The following CCN4 variants were observed in gnomAD, a reference collection of about 807,000 sequenced individuals.
CCN4 encodes cellular communication network factor 4.
A neutral mutation model predicts 36.7 loss-of-function variants in CCN4; 30 were observed. The ratio of observed to expected loss-of-function variants is 0.82; its 90% CI spans 0.61 to 1.11. The LOEUF (loss-of-function observed/expected upper bound fraction) is 1.11. Ranked by LOEUF, CCN4 falls within the 50% of genes least tolerant of loss-of-function variation. The probability of loss-of-function intolerance (pLI) is 0.00; values close to 1 mark genes in which losing one functional copy is unlikely to be tolerated. For synonymous variants in CCN4, 191 were observed against 195.4 expected, an observed-to-expected ratio of 0.98 and a Z score of 0.19; for missense variants, 505 against 504.9, an observed-to-expected ratio of 1.00 and a Z score of 0.00.
intron 1 of CCN4, among the ~76,000 whole-genome samples, chr8:133,199,615 T>C (rs1185601251): frequency 6.6e-6 from 1 of 152,198 alleles, no homozygotes; most frequent in Non-Finnish European, 1.5e-5. Context: ...ATAACAGAGC[T>C]GGCAGGCGCG....
chr8:133,198,723 G>C (rs1853476469), intron 1 of CCN4, among the ~76,000 whole-genome samples: 1 of 152,192 alleles, frequency 6.6e-6, no homozygotes, highest in African/African-American at 2.4e-5. Context: ...TGCCCACGTG[G>C]AGGGAAACAC....
intron 3 of CCN4, among the ~76,000 whole-genome samples, chr8:133,222,332 TGTC>T: frequency 6.6e-6 from 1 of 152,100 alleles, no homozygotes; most frequent in East Asian, 1.9e-4. Context: ...TCCCAGGGCT[TGTC>T]ATTGCCTAGG....
intron 1 of CCN4, among the ~76,000 whole-genome samples, chr8:133,205,350 CTTGT>C (rs533532850): frequency 1.5e-3 from 235 of 152,280 alleles, no homozygotes; most frequent in Middle Eastern, 3.4e-3. Context: ...TGTTGTTGTT[CTTGT>C]TTGTTTGTTT....
chr8:133,205,462 T>G (rs2929934), intron 1 of CCN4, among the ~76,000 whole-genome samples: 87,425 of 151,950 alleles, frequency 0.58, 25,743 homozygotes, highest in East Asian at 0.94. Flanking sequence ...TGGCTTCTGT[T>G]GTTGGACAGA....
chr8:133,204,728 T>C (rs1853705399), intron 1 of CCN4, among the ~76,000 whole-genome samples: 1 of 152,216 alleles, frequency 6.6e-6, no homozygotes, highest in Non-Finnish European at 1.5e-5. Context: ...CTAATGTTTG[T>C]ATTTTTAGTA....
At chr8:133,194,135 T>G (rs1281221096) in intron 1 of CCN4, among the ~76,000 whole-genome samples, 1 of 152,152 alleles carries the variant, frequency 6.6e-6, no homozygotes, top group Non-Finnish European at 1.5e-5. Context: ...ATTAGGCCTG[T>G]GGTGGTCTAT....
chr8:133,198,662 C>T (rs1853473903), intron 1 of CCN4, among the ~76,000 whole-genome samples: 1 of 152,232 alleles, frequency 6.6e-6, no homozygotes, highest in Non-Finnish European at 1.5e-5. Context: ...GTGGCCTCCT[C>T]CAAATGGAGC....
At chr8:133,200,302 G>A (rs1261219360) in intron 1 of CCN4, among the ~76,000 whole-genome samples, 1 of 152,224 alleles carries the variant, frequency 6.6e-6, no homozygotes, top group Non-Finnish European at 1.5e-5. Flanking sequence ...ATGGGGACTG[G>A]AGCCCAGGGC....
chr8:133,210,212 C>T (rs1406709147), intron 1 of CCN4, among the ~76,000 whole-genome samples: 4 of 152,044 alleles, frequency 2.6e-5, no homozygotes, highest in Non-Finnish European at 5.9e-5. Flanking sequence ...TTCCAGTGAG[C>T]GAGGTAAGGG....
intron 1 of CCN4, among the ~76,000 whole-genome samples, chr8:133,208,084 C>A (rs2130562152): frequency 6.7e-6 from 1 of 150,078 alleles, no homozygotes; most frequent in African/African-American, 2.4e-5. Context: ...AATCCAAGTT[C>A]TGTCATTTAC....
chr8:133,215,048 C>T (rs988987335), intron 2 of CCN4, among the ~76,000 whole-genome samples: 1 of 152,210 alleles, frequency 6.6e-6, no homozygotes, highest in African/African-American at 2.4e-5. Flanking sequence ...CTGTGAATAA[C>T]CATCCCACTT....
chr8:133,191,085 C>G lies in CCN4; in HGVS notation c.-60C>G. The G allele has an allele frequency of 6.3e-7, 1 of 1,586,110 alleles. No individual in the cohort carries two copies. Among genetic ancestry groups the G allele is most frequent in the Non-Finnish European group, 8.6e-7 (1 of 1,167,952 alleles). On this transcript the variant is annotated 5_prime_UTR_variant, in exon 1 of 5. Transcript: ENST00000250160. The stretch of plus-strand genomic sequence containing the variant: ...CCGGCCAGTCTGGGCCCAGCTCCCC[C>G]GAGAGGTGGTCGGATCCTCTGGGCT...
chr8:133,211,065 G>A lies in CCN4; in HGVS notation c.70-1799G>A, dbSNP rs555421365. Among the ~76,000 whole-genome samples, 4 of 152,252 alleles carry A rather than the reference G, an allele frequency of 2.6e-5. No homozygotes were observed. The East Asian group carries it at 7.7e-4, about 29-fold the overall frequency. ...TCAATATTTACTACATTTATTGTGC[G>A]CCAGGTTCAGAGCCTAGTCAGACTA... On this transcript the variant is annotated intron_variant, in intron 1 of 4. Transcript: ENST00000250160.
In CCN4 at chr8:133,231,132, G is replaced by C. The variant is rs1445534746; in HGVS notation, c.*3422G>C. The C allele has an allele frequency of 6.6e-6, 1 of 152,218 alleles. No homozygotes were observed. Among genetic ancestry groups the C allele is most frequent in the Non-Finnish European group, 1.5e-5 (1 of 68,040 alleles). The allele number at this position is 152,218 out of a possible 1,614,324, so 9.4% of individuals were successfully genotyped here. On this transcript the variant is annotated 3_prime_UTR_variant, in exon 5 of 5. Transcript: ENST00000250160. ...CAAAGATAGTAGATTCGAATGACAT[G>C]ATTGTCTATAATCTCGCTAGCCTTG... is the stretch of plus-strand genomic sequence containing the variant.
In CCN4 at chr8:133,191,217, A is replaced by T. The variant is rs1463334384; in HGVS notation, c.69+4A>T. 1 of 1,605,064 alleles carries T rather than the reference A, an allele frequency of 6.2e-7. No individual in the cohort carries two copies. On this transcript the variant is annotated splice_donor_region_variant and intron_variant, in intron 1 of 4. Transcript: ENST00000250160. ...CGCCAGCACCGTCCTGGCCACGGTG[A>T]GTCCTGCCTGGAGGGGCTCAGAGGG... is the stretch of plus-strand genomic sequence containing the variant.
At chr8:133,225,270 G>A in intron 3 of CCN4, 120 bp from the exon 4 acceptor site, 2 of 1,076,066 alleles carry the variant, frequency 1.9e-6, no homozygotes, top group Non-Finnish European at 2.7e-6. Flanking sequence ...CTGTGGGGAG[G>A]TACAGCCAAT....
rs552118065 is a variant in CCN4 at position 133,201,667 on chromosome 8, C to G, written c.69+10454C>G. On this transcript the variant is annotated intron_variant, in intron 1 of 4. Coordinates refer to ENST00000250160, the MANE Select transcript of CCN4 (RefSeq NM_003882.4). Reference sequence around the variant, plus strand: ...GACCAGCTTGGCCAACATGGTGAAACCCCATCTCTACTAAGAAATGCAAAA... The same window carrying G: ...GACCAGCTTGGCCAACATGGTGAAAGCCCATCTCTACTAAGAAATGCAAAA... 1.8e-4 allele frequency among the ~76,000 whole-genome samples: 27 copies of G among 152,164 alleles called. No individual in the cohort carries two copies. In the South Asian group the frequency reaches 5.4e-3, roughly 30 times the overall value.
chr8:133,221,873 T>C (rs1298220540), intron 3 of CCN4, among the ~76,000 whole-genome samples: 3 of 150,434 alleles, frequency 2.0e-5, no homozygotes, highest in East Asian at 4.0e-4. Flanking sequence ...GGATAGATGA[T>C]GGACAAATAG....
intron 1 of CCN4, among the ~76,000 whole-genome samples, chr8:133,210,127 T>C (rs1853949549): frequency 6.6e-6 from 1 of 152,136 alleles, no homozygotes; most frequent in African/African-American, 2.4e-5. Context: ...TATGAAGCCC[T>C]ACTGTGTGCT....
Sources: allele counts gnomAD v4.1 joint callset (sites outside exome capture counted in the v4.1 genomes callset), GRCh38; gene constraint gnomAD v4.1.1; transcripts MANE v1.5; gene names NCBI Gene and HGNC (gene_info 2026-07-23, HGNC 2026-07-21).